ROBO2: variants seen among roughly 807,000 people sequenced by gnomAD.
ROBO2 encodes the protein roundabout guidance receptor 2, also known as roundabout homolog 2.
A neutral mutation model predicts 160.8 loss-of-function variants in ROBO2; 53 were observed. That is an observed-to-expected ratio of 0.33 (90% confidence interval 0.26 to 0.41). The LOEUF (loss-of-function observed/expected upper bound fraction) is 0.41. Ranked by LOEUF, ROBO2 falls within the 10% of genes least tolerant of loss-of-function variation. The probability of loss-of-function intolerance (pLI) is 1.00; values close to 1 mark genes in which losing one functional copy is unlikely to be tolerated. For synonymous variants in ROBO2, 664 were observed against 611.7 expected (o/e 1.09, Z -1.26); for missense variants, 1,577 against 1,722.4 (o/e 0.92, Z 1.49).
chr3:77,414,974 C>T (rs1258812241), intron 2 of ROBO2, among the ~76,000 whole-genome samples: 1 of 152,108 alleles, frequency 6.6e-6, no homozygotes, highest in African/African-American at 2.4e-5. Flanking sequence ...AGACTCCACC[C>T]CTGCCTTCAG....
intron 2 of ROBO2, among the ~76,000 whole-genome samples, chr3:76,447,963 A>G (rs993022706): frequency 2.6e-5 from 4 of 151,852 alleles, no homozygotes; most frequent in African/African-American, 9.6e-5. Context: ...TAATGGGTGC[A>G]GCACACCAAC....
rs887673444 is a variant in ROBO2 at position 76,519,265 on chromosome 3, C to T, written c.110-578749C>T. On this transcript the variant is annotated intron_variant, in intron 2 of 26. Transcript: ENST00000487694. ...CTGTGAACAAAGTTTTACTGGAGCA[C>T]AGCCATCCATTTGTTTATGTATGTT... Among the ~76,000 whole-genome samples the T allele has an allele frequency of 2.0e-5, 3 of 152,178 alleles. No individual in the cohort carries two copies. In the East Asian group the frequency reaches 5.8e-4, roughly 29 times the overall value.
rs371067684 is a variant in ROBO2 at position 77,120,549 on chromosome 3, A to G, written c.388+22209A>G. On this transcript the variant is annotated intron_variant, in intron 2 of 25. Coordinates refer to ENST00000461745, the Ensembl canonical transcript of ROBO2. Reference sequence around the variant, plus strand: ...ATATGGAAGAAAAGAATTTGCTTTTATTCTGTGAATTTAAGATTAGCCTGA... The same window carrying G: ...ATATGGAAGAAAAGAATTTGCTTTTGTTCTGTGAATTTAAGATTAGCCTGA... 2.2e-4 allele frequency among the ~76,000 whole-genome samples: 34 copies of G among 152,098 alleles called. No individual in the cohort carries two copies. In the South Asian group the frequency reaches 3.5e-3, roughly 16 times the overall value.
intron 2 of ROBO2, among the ~76,000 whole-genome samples, chr3:76,222,635 A>G (rs1368645415): frequency 6.6e-6 from 1 of 152,082 alleles, no homozygotes; most frequent in East Asian, 1.9e-4. Flanking sequence ...GGTGCCTGAC[A>G]TTCCTGGTGT....
intron 2 of ROBO2, among the ~76,000 whole-genome samples, chr3:77,374,958 C>A (rs1021678890): frequency 1.1e-4 from 17 of 152,150 alleles, no homozygotes; most frequent in African/African-American, 3.9e-4. Flanking sequence ...CCTGTAATCC[C>A]GGCGCTTTGG....
chr3:77,246,327 A>ATATGTG (rs112653468), intron 2 of ROBO2, among the ~76,000 whole-genome samples: 9 of 145,830 alleles, frequency 6.2e-5, no homozygotes, highest in African/African-American at 2.0e-4. Flanking sequence ...GTGTATGTGT[A>ATATGTG]TGTGTGTGTG....
intron 2 of ROBO2, among the ~76,000 whole-genome samples, chr3:76,792,907 T>C (rs1386423989): frequency 6.6e-6 from 1 of 151,768 alleles, no homozygotes; most frequent in Non-Finnish European, 1.5e-5. Flanking sequence ...AAGTGTTGAG[T>C]TTACAACATA....
chr3:76,701,662 TG>T (rs1458461813), intron 2 of ROBO2, among the ~76,000 whole-genome samples: 1 of 152,074 alleles, frequency 6.6e-6, no homozygotes, highest in African/African-American at 2.4e-5. Flanking sequence ...AAATCAATTC[TG>T]GCCCAATTTC....
intron 2 of ROBO2, among the ~76,000 whole-genome samples, chr3:77,473,498 C>A (rs2083604116): frequency 8.2e-6 from 1 of 122,322 alleles, no homozygotes; most frequent in Non-Finnish European, 1.6e-5. Context: ...CTCGCTCTGT[C>A]GCCCAGGCTG....
At chr3:77,216,230 C>T (rs549090275) in intron 2 of ROBO2, among the ~76,000 whole-genome samples, 20 of 152,212 alleles carry the variant, frequency 1.3e-4, no homozygotes, top group Admixed American at 9.2e-4. Context: ...CCACGCAGTT[C>T]GAACTTCCTG....
At chr3:77,291,453 A>G (rs1351405622) in intron 2 of ROBO2, among the ~76,000 whole-genome samples, 1 of 151,940 alleles carries the variant, frequency 6.6e-6, no homozygotes, top group African/African-American at 2.4e-5. Flanking sequence ...GACATGAAGT[A>G]AAATTGATGG....
At chr3:76,918,801 C>T (rs974949231) in intron 2 of ROBO2, among the ~76,000 whole-genome samples, 1 of 152,134 alleles carries the variant, frequency 6.6e-6, no homozygotes, top group Non-Finnish European at 1.5e-5. Context: ...AAAAGCATTC[C>T]TATTTCTCCA....
At chr3:76,846,656 T>C (rs908569159) in intron 2 of ROBO2, among the ~76,000 whole-genome samples, 22 of 152,194 alleles carry the variant, frequency 1.4e-4, no homozygotes, top group Admixed American at 1.0e-3. Context: ...ACCGATTTAC[T>C]GGCTCTTCAG....
At chr3:77,501,789 T>C (rs934393283) in intron 5 of ROBO2, among the ~76,000 whole-genome samples, 14 of 152,166 alleles carry the variant, frequency 9.2e-5, no homozygotes, top group African/African-American at 3.4e-4. Flanking sequence ...TATTATCCAG[T>C]GACAACTACA....
At chr3:77,109,727 G>A (rs1014852671) in intron 2 of ROBO2, among the ~76,000 whole-genome samples, 7 of 152,164 alleles carry the variant, frequency 4.6e-5, no homozygotes, top group African/African-American at 1.4e-4. Context: ...TCTCTCTATT[G>A]TATTTGAGGT....
chr3:77,560,247 A>G (rs902003789), intron 9 of ROBO2, among the ~76,000 whole-genome samples: 1 of 152,086 alleles, frequency 6.6e-6, no homozygotes. Context: ...GCACAAGGAG[A>G]AAAGTAGATG....
In ROBO2 at chr3:76,121,717, T is replaced by C. The variant is rs554040707; in HGVS notation, c.109+184115T>C. On this transcript the variant is annotated intron_variant, in intron 2 of 26. Transcript: ENST00000487694. ...AAACTCATCTGAATAGTTATTCTTT[T>C]TATCCACCTATAATTCACTGAAAGC... Among the ~76,000 whole-genome samples, 6 of 152,290 alleles carry C rather than the reference T, an allele frequency of 3.9e-5. No individual in the cohort carries two copies. The South Asian group carries it at 6.2e-4, about 16-fold the overall frequency.
chr3:76,706,466 T>TC (rs2107535267), intron 2 of ROBO2, among the ~76,000 whole-genome samples: 1 of 151,686 alleles, frequency 6.6e-6, no homozygotes, highest in South Asian at 2.1e-4. Flanking sequence ...CTCTTTCTGC[T>TC]CCCCCTGATC....
At chr3:77,369,235 A>G (rs1189617908) in intron 2 of ROBO2, among the ~76,000 whole-genome samples, 1 of 152,118 alleles carries the variant, frequency 6.6e-6, no homozygotes, top group East Asian at 1.9e-4. Flanking sequence ...AACAACCCTG[A>G]AAGTTGTTCA....
Sources: allele counts gnomAD v4.1 joint callset (sites outside exome capture counted in the v4.1 genomes callset), GRCh38; gene constraint gnomAD v4.1.1; transcripts MANE v1.5; gene names NCBI Gene and HGNC (gene_info 2026-07-23, HGNC 2026-07-21).